HSF2BP: variants seen among roughly 807,000 people sequenced by gnomAD.
HSF2BP encodes heat shock transcription factor 2 binding protein.
HSF2BP carries 35 observed loss-of-function variants against 35.0 expected under a neutral mutation model. That is an observed-to-expected ratio of 1.00 (90% CI 0.76 to 1.32). The LOEUF (loss-of-function observed/expected upper bound fraction) is 1.32, where lower values mean the gene tolerates loss of function less well. Ranked by LOEUF, HSF2BP falls within the 40% of genes most tolerant of loss-of-function variation. HSF2BP has a pLI of 0.00. For missense variants in HSF2BP, 326 were observed against 321.7 expected (o/e 1.01, Z -0.10); for synonymous variants, 114 against 117.4 (o/e 0.97, Z 0.18).
At chr21:43,627,289 T>A (rs2082402228) in intron 6 of HSF2BP, among the ~76,000 whole-genome samples, 1 of 152,218 alleles carries the variant, frequency 6.6e-6, no homozygotes, top group Non-Finnish European at 1.5e-5. Flanking sequence ...AGAATTTTAC[T>A]GAAGAGGCAA....
intron 3 of HSF2BP, among the ~76,000 whole-genome samples, chr21:43,650,273 C>T (rs2082765691): frequency 6.6e-6 from 1 of 152,072 alleles, no homozygotes; most frequent in Non-Finnish European, 1.5e-5. Context: ...GTGGTGCGAT[C>T]TCGGCTCACT....
At chr21:43,594,442 T>TA (rs2081961438) in intron 7 of HSF2BP, among the ~76,000 whole-genome samples, 1 of 152,216 alleles carries the variant, frequency 6.6e-6, no homozygotes, top group African/African-American at 2.4e-5. Flanking sequence ...ATGTAAGTAT[T>TA]AGAGCATTCT....
At chr21:43,630,276 G>A in intron 6 of HSF2BP, 46 bp downstream of exon 6, 7 of 1,549,994 alleles carry the variant, frequency 4.5e-6, no homozygotes, top group Non-Finnish European at 6.1e-6. Flanking sequence ...TACTGCAGTG[G>A]TCTGGAAGCA....
chr21:43,612,650 C>CA (rs762585967), intron 7 of HSF2BP, among the ~76,000 whole-genome samples: 1,447 of 76,426 alleles, frequency 0.019, 70 homozygotes, highest in African/African-American at 0.062. Context: ...GACTCCGTCT[C>CA]AAAAAAAAAA....
intron 6 of HSF2BP, among the ~76,000 whole-genome samples, chr21:43,620,445 C>T (rs577766511): frequency 1.5e-4 from 23 of 152,184 alleles, no homozygotes; most frequent in Non-Finnish European, 3.1e-4. Flanking sequence ...TGACTGTAAT[C>T]CCAACACTGT....
At position 43,644,269 on chromosome 21, in the gene HSF2BP, T is replaced by C; in HGVS notation, c.291+20A>G. ...GCCCCACTTTCTGGCTTGGTGAGAGTCTGTCCCTGAGCATGGTACCTTCTT... is the reference window on the plus strand; with the variant it reads ...GCCCCACTTTCTGGCTTGGTGAGAGCCTGTCCCTGAGCATGGTACCTTCTT... On this transcript the variant is annotated intron_variant, in intron 4 of 8. Coordinates refer to ENST00000291560, the MANE Select transcript of HSF2BP (RefSeq NM_007031.2). 1 of 1,595,712 alleles carries C rather than the reference T, an allele frequency of 6.3e-7. No individual in the cohort carries two copies.
Position 43,597,775 on chromosome 21 carries a change from C to T in HSF2BP, c.693-5447G>A, listed in dbSNP as rs2082004205. Among the ~76,000 whole-genome samples, 1 of 152,190 alleles carries T rather than the reference C, an allele frequency of 6.6e-6. No individual in the cohort carries two copies. The highest frequency in any genetic ancestry group is 2.4e-5 in the African/African-American group (1 of 41,444). ...CAGGCAATTTTCCCACGTCGGCCTC[C>T]CAAAGTGCTGGGATTACAGGCATAA... On this transcript the variant is annotated intron_variant, in intron 7 of 8. Transcript: ENST00000291560. This position sits in a 1 kb window ranked among gnomAD's most constrained non-coding sequence, Gnocchi z 4.3.
chr21:43,608,480 C>T (rs1395556160), intron 7 of HSF2BP, among the ~76,000 whole-genome samples: 1 of 152,120 alleles, frequency 6.6e-6, no homozygotes, highest in Non-Finnish European at 1.5e-5. Flanking sequence ...AAAAAGGGAA[C>T]TCGTATACAC....
At chr21:43,648,804 T>C (rs1310752710) in intron 3 of HSF2BP, among the ~76,000 whole-genome samples, 1 of 152,238 alleles carries the variant, frequency 6.6e-6, no homozygotes, top group Non-Finnish European at 1.5e-5. Flanking sequence ...TATCCTACAC[T>C]TTAGAAATCA....
intron 8 of HSF2BP, among the ~76,000 whole-genome samples, chr21:43,588,769 C>G (rs2081889696): frequency 6.6e-6 from 1 of 152,190 alleles, no homozygotes; most frequent in Non-Finnish European, 1.5e-5. Flanking sequence ...CCCGTAACAA[C>G]CAGCCTGAAT....
chr21:43,626,935 T>A (rs1006571066), intron 6 of HSF2BP, among the ~76,000 whole-genome samples: 1 of 151,862 alleles, frequency 6.6e-6, no homozygotes, highest in Non-Finnish European at 1.5e-5. Context: ...TGGCACGATC[T>A]CAGCTCACTA....
rs117710585 is a variant in HSF2BP, at chr21:43,643,069, A to G, written c.291+1220T>C. Reference sequence around the variant, plus strand: ...TATCCAGGCCCCAAATTTTATAAAAAGTGTCAGAATAGTTCTAGTTCTATG... The same window carrying G: ...TATCCAGGCCCCAAATTTTATAAAAGGTGTCAGAATAGTTCTAGTTCTATG... On this transcript the variant is annotated intron_variant, in intron 4 of 8. Coordinates refer to ENST00000291560, the MANE Select transcript of HSF2BP (RefSeq NM_007031.2). Among the ~76,000 whole-genome samples the G allele has an allele frequency of 2.2e-3, 338 of 152,272 alleles. 1 individual carries two copies. Among genetic ancestry groups the G allele is most frequent in the Non-Finnish European group, 3.4e-3 (234 of 68,020 alleles).
intron 4 of HSF2BP, among the ~76,000 whole-genome samples, chr21:43,640,605 A>C (rs1168654116): frequency 6.6e-6 from 1 of 152,242 alleles, no homozygotes; most frequent in Non-Finnish European, 1.5e-5. Context: ...GTGAAACCTG[A>C]AAGTTGTTAA....
chr21:43,647,131 T>C (rs1373215572), intron 3 of HSF2BP, among the ~76,000 whole-genome samples: 1 of 152,248 alleles, frequency 6.6e-6, no homozygotes, highest in Non-Finnish European at 1.5e-5. Context: ...AATAAGAATA[T>C]ATTACTTTTA....
chr21:43,583,725 G>C (rs1346308736), intron 8 of HSF2BP, among the ~76,000 whole-genome samples: 1 of 143,730 alleles, frequency 7.0e-6, no homozygotes, highest in African/African-American at 2.6e-5. Flanking sequence ...AACCTGCTAA[G>C]GGAGATGAGG....
intron 5 of HSF2BP, among the ~76,000 whole-genome samples, chr21:43,631,409 T>C (rs890019779): frequency 6.6e-6 from 1 of 152,044 alleles, no homozygotes; most frequent in Non-Finnish European, 1.5e-5. Flanking sequence ...ACAGCTCTCA[T>C]ACATGTTCCT....
At chr21:43,657,397 AG>A (rs2082886217) in intron 2 of HSF2BP, among the ~76,000 whole-genome samples, 1 of 152,316 alleles carries the variant, frequency 6.6e-6, no homozygotes, top group South Asian at 2.1e-4. Flanking sequence ...TAAAAGTCAA[AG>A]AAAACGCCTG....
Position 43,658,263 on chromosome 21 carries a change from G to T in HSF2BP, c.-167C>A, listed in dbSNP as rs151126466. ...TTCTCGGCCTAGAGAGCGAGGAGTGGCCTTGGCGAGGTCCCTCTTTGGCTC... is the reference window on the plus strand; with the variant it reads ...TTCTCGGCCTAGAGAGCGAGGAGTGTCCTTGGCGAGGTCCCTCTTTGGCTC... On this transcript the variant is annotated 5_prime_UTR_variant, in exon 2 of 9. Transcript: ENST00000291560. The T allele has an allele frequency of 2.6e-6, 2 of 757,262 alleles. No individual in the cohort carries two copies. Among genetic ancestry groups the T allele is most frequent in the Non-Finnish European group, 2.0e-6 (1 of 493,022 alleles). 46.9% of individuals were successfully genotyped at this position (757,262 alleles called of 1,614,324 possible).
chr21:43,590,554 T>C (rs957045515), intron 8 of HSF2BP, among the ~76,000 whole-genome samples: 4 of 152,206 alleles, frequency 2.6e-5, no homozygotes, highest in African/African-American at 7.2e-5. Context: ...TTATGTATAG[T>C]AGTCAAAAGC....
Sources: allele counts gnomAD v4.1 joint callset (sites outside exome capture counted in the v4.1 genomes callset), GRCh38; gene constraint gnomAD v4.1.1; non-coding constraint Gnocchi (gnomAD v3.1); transcripts MANE v1.5; gene names NCBI Gene and HGNC (gene_info 2026-07-23, HGNC 2026-07-21).